Variants in VPS13D observed in about 807,000 individuals in gnomAD.
The protein encoded by VPS13D is intermembrane lipid transfer protein VPS13D.
Under a neutral mutation model 461.9 loss-of-function variants are expected in VPS13D, and 187 were observed. The ratio of observed to expected loss-of-function variants is 0.40; its 90% CI spans 0.36 to 0.46. The LOEUF is 0.46. Among genes scored for constraint, VPS13D ranks in the 20% least tolerant of loss-of-function variants. VPS13D has a pLI of 0.60. For synonymous variants in VPS13D, 1,951 were observed against 1,986.3 expected (o/e 0.98, Z 0.47); for missense variants, 4,711 against 5,364.9 (o/e 0.88, Z 3.81).
At chr1:12,385,508 T>C in intron 59 of VPS13D, 135 bp downstream of exon 59, 1 of 684,926 alleles carries the variant, frequency 1.5e-6, no homozygotes, top group Non-Finnish European at 2.4e-6. Context: ...CAGTGTTTAC[T>C]GTTTATCAGT....
chr1:12,249,427 A>T, intron 6 of VPS13D, 88 bp downstream of exon 6: 6 of 1,003,260 alleles, frequency 6.0e-6, no homozygotes, highest in Non-Finnish European at 8.9e-6. Context: ...TGTTATGTAA[A>T]TGAATCACAT....
intron 55 of VPS13D, among the ~76,000 whole-genome samples, chr1:12,376,998 A>T (rs1364079994): frequency 6.6e-6 from 1 of 151,862 alleles, no homozygotes; most frequent in Non-Finnish European, 1.5e-5. Context: ...TTCCTCATCT[A>T]TGAGGAGGGA....
intron 68 of VPS13D, among the ~76,000 whole-genome samples, chr1:12,500,814 A>G (rs1053256825): frequency 2.0e-5 from 3 of 150,802 alleles, no homozygotes; most frequent in East Asian, 2.1e-4. Context: ...CAGCCTCCCA[A>G]AGAGCTATGA....
chr1:12,488,513 C>T (rs1309621502), intron 67 of VPS13D, among the ~76,000 whole-genome samples: 1 of 150,376 alleles, frequency 6.6e-6, no homozygotes, highest in Non-Finnish European at 1.5e-5. Flanking sequence ...TAAAAGAGGT[C>T]AACTTTGGGA....
chr1:12,385,484 T>C (rs1644338840), intron 59 of VPS13D, 111 bp downstream of exon 59: 4 of 818,332 alleles, frequency 4.9e-6, no homozygotes, highest in Non-Finnish European at 7.6e-6. Flanking sequence ...ATTCTAAATA[T>C]GAGTTACGCT....
Position 12,505,236 on chromosome 1 carries a change from GTCTGTCTT to G in VPS13D, c.12795-1606_12795-1599del, listed in dbSNP as rs374118195. ...GTCAGGATCATTTTTATCCCTCTCT[GTCTGTCTT>G]TCTGTCTTTCCCTGTGCCCTCCTTT... On this transcript the variant is annotated intron_variant, in intron 68 of 69. Transcript: ENST00000620676. This position sits in a 1 kb window ranked among gnomAD's most constrained non-coding sequence, Gnocchi z 4.2. Among the ~76,000 whole-genome samples the G allele has an allele frequency of 1.6e-3, 240 of 152,272 alleles. 3 individuals are homozygous for G. The highest frequency in any genetic ancestry group is 5.6e-3 in the African/African-American group (233 of 41,542).
intron 6 of VPS13D, among the ~76,000 whole-genome samples, chr1:12,250,653 T>C (rs1640704751): frequency 6.6e-6 from 1 of 152,252 alleles, no homozygotes; most frequent in African/African-American, 2.4e-5. Flanking sequence ...ATTTAACTCA[T>C]TTAATTCTCC....
At chr1:12,464,900 C>T (rs552491711) in intron 67 of VPS13D, 1 of 152,314 alleles carries the variant, frequency 6.6e-6, no homozygotes, top group Non-Finnish European at 1.5e-5. Flanking sequence ...TGTATTGGGC[C>T]ACACTTTGTC....
At chr1:12,352,793 G>A (rs1643824458) in intron 46 of VPS13D, among the ~76,000 whole-genome samples, 1 of 151,636 alleles carries the variant, frequency 6.6e-6, no homozygotes, top group Non-Finnish European at 1.5e-5. Flanking sequence ...GTAAAACCCC[G>A]TCTCTACTAA....
chr1:12,469,192 G>A (rs1390256156), intron 67 of VPS13D, among the ~76,000 whole-genome samples: 7 of 152,078 alleles, frequency 4.6e-5, no homozygotes, highest in African/African-American at 1.7e-4. Context: ...GGTTCTTTTA[G>A]AACAGAGGGT....
chr1:12,263,273 G>T (rs553448915), intron 13 of VPS13D, among the ~76,000 whole-genome samples: 1 of 152,138 alleles, frequency 6.6e-6, no homozygotes, highest in Non-Finnish European at 1.5e-5. Flanking sequence ...AAAACATGGC[G>T]CCAAATAGAA....
At chr1:12,428,873 G>T (rs1343040911) in intron 65 of VPS13D, among the ~76,000 whole-genome samples, 3 of 152,226 alleles carry the variant, frequency 2.0e-5, no homozygotes, top group Non-Finnish European at 4.4e-5. Flanking sequence ...TGTGGAACAG[G>T]TAAGGCAGAG....
intron 66 of VPS13D, among the ~76,000 whole-genome samples, chr1:12,456,660 A>G (rs1044042390): frequency 1.5e-5 from 2 of 129,066 alleles, no homozygotes; most frequent in African/African-American, 2.8e-5. Flanking sequence ...AAAAAAAAAA[A>G]GAAAAGGCTG....
intron 13 of VPS13D, among the ~76,000 whole-genome samples, chr1:12,265,857 C>G (rs1641251867): frequency 6.6e-6 from 1 of 152,196 alleles, no homozygotes; most frequent in South Asian, 2.1e-4. Context: ...ACTATGAACA[C>G]TGTTGAAATG....
intron 17 of VPS13D, among the ~76,000 whole-genome samples, chr1:12,271,518 A>C (rs1201996451): frequency 6.6e-6 from 1 of 151,960 alleles, no homozygotes; most frequent in East Asian, 1.9e-4. Flanking sequence ...AAAATACAAG[A>C]ATTAGCTGGG....
At chr1:12,278,084 A>C (rs1319875362) in intron 19 of VPS13D, 46 bp downstream of exon 19, 1 of 1,540,566 alleles carries the variant, frequency 6.5e-7, no homozygotes, top group Non-Finnish European at 8.7e-7. Context: ...ATGATTGAAA[A>C]CCCAGCTCAC....
At chr1:12,440,056 C>T (rs560910666) in intron 65 of VPS13D, among the ~76,000 whole-genome samples, 1 of 152,350 alleles carries the variant, frequency 6.6e-6, no homozygotes, top group South Asian at 2.1e-4. Context: ...GCATTAGAAT[C>T]TCTTAGCTCC....
At position 12,455,186 on chromosome 1, in the gene VPS13D, G is replaced by A. The variant is rs531170117; in HGVS notation, c.12334-812G>A. On this transcript the variant is annotated intron_variant, in intron 65 of 69. Coordinates refer to ENST00000620676, the MANE Select transcript of VPS13D (RefSeq NM_015378.4). The stretch of plus-strand genomic sequence containing the variant: ...ACCTGTTAATCTTTCCATCGATTTC[G>A]TTTTTGGCTTTTGACAAATGGAGCT... 1.8e-4 allele frequency among the ~76,000 whole-genome samples: 27 copies of A among 152,250 alleles called. 1 individual carries two copies. The South Asian group carries it at 5.0e-3, about 28-fold the overall frequency.
intron 52 of VPS13D, among the ~76,000 whole-genome samples, chr1:12,365,649 A>C (rs1464551908): frequency 6.7e-6 from 1 of 150,316 alleles, no homozygotes; most frequent in East Asian, 2.0e-4. Context: ...GGTTGCAGTG[A>C]CCCGAGATCG....
Sources: gnomAD v4.1 joint callset for allele counts (sites outside exome capture counted in the v4.1 genomes callset) on GRCh38, gnomAD v4.1.1 for gene constraint, Gnocchi (gnomAD v3.1) non-coding constraint, MANE v1.5 for transcripts, NCBI Gene and HGNC (gene_info 2026-07-23, HGNC 2026-07-21) for gene names.